DSCAM: variants seen among roughly 807,000 people sequenced by gnomAD.
DSCAM encodes DS cell adhesion molecule, also known as cell adhesion molecule DSCAM.
DSCAM carries 47 observed loss-of-function variants against 217.7 expected under a neutral mutation model. The ratio of observed to expected loss-of-function variants is 0.22; its 90% CI spans 0.17 to 0.28. The LOEUF (loss-of-function observed/expected upper bound fraction) is 0.28. DSCAM is among the 10% of genes least tolerant of loss of function. The probability of loss-of-function intolerance (pLI) is 1.00; values close to 1 mark genes in which losing one functional copy is unlikely to be tolerated. For missense variants in DSCAM, 2,080 were observed against 2,618.3 expected (o/e 0.79, Z 4.49); for synonymous variants, 1,056 against 1,015.3 (o/e 1.04, Z -0.76).
In DSCAM at chr21:40,055,970, C is replaced by T. The variant is rs116176049; in HGVS notation, c.4920-130G>A. ...ACCTTGTGAGGAGGGGAACAGAAAACGTACATACTATGAAAACGTTTCCTT... is the reference window on the plus strand; with the variant it reads ...ACCTTGTGAGGAGGGGAACAGAAAATGTACATACTATGAAAACGTTTCCTT... On this transcript the variant is annotated intron_variant, in intron 28 of 32. Coordinates refer to ENST00000400454, the MANE Select transcript of DSCAM (RefSeq NM_001389.5). 281 of 580,408 alleles carry T rather than the reference C, an allele frequency of 4.8e-4. 2 individuals carry two copies. Among genetic ancestry groups the T allele is most frequent in the African/African-American group, 1.1e-3 (61 of 55,050 alleles). 36.0% of individuals were successfully genotyped at this position (580,408 alleles called of 1,614,324 possible). A position where few individuals can be genotyped will look rare whatever the true frequency, so the allele number is the denominator to read the frequency against.
chr21:40,280,268 A>G (rs2073743001), intron 10 of DSCAM, among the ~76,000 whole-genome samples: 1 of 144,088 alleles, frequency 6.9e-6, no homozygotes, highest in Non-Finnish European at 1.5e-5. Context: ...TGTGGCCTCG[A>G]ACTCCCGGGT....
At chr21:40,204,121 T>C (rs574665036) in intron 11 of DSCAM, among the ~76,000 whole-genome samples, 16 of 152,356 alleles carry the variant, frequency 1.1e-4, no homozygotes, top group Non-Finnish European at 2.2e-4. Context: ...TCTGCTTACT[T>C]TCCAAGAATA....
Position 40,363,093 on chromosome 21 carries a change from T to C in DSCAM, c.655+6006A>G, listed in dbSNP as rs535526202. Among the ~76,000 whole-genome samples, 81 of 152,130 alleles carry C rather than the reference T, an allele frequency of 5.3e-4. No homozygotes were observed. In the Middle Eastern group the frequency reaches 0.014, roughly 26 times the overall value. On this transcript the variant is annotated intron_variant, in intron 4 of 32. Transcript: ENST00000400454. ...AATCAGCCACTCCTCCAAGAAGCCATGGTCCCTTTTAGTAGTGAATTATAT... is the reference window on the plus strand; with the variant it reads ...AATCAGCCACTCCTCCAAGAAGCCACGGTCCCTTTTAGTAGTGAATTATAT...
chr21:40,267,409 C>T (rs2073553781), intron 11 of DSCAM, among the ~76,000 whole-genome samples: 1 of 151,990 alleles, frequency 6.6e-6, no homozygotes, highest in South Asian at 2.1e-4. Context: ...ACTGGCAGGG[C>T]AGTAGGTTTG....
intron 20 of DSCAM, among the ~76,000 whole-genome samples, chr21:40,102,059 C>T (rs936823828): frequency 2.0e-5 from 3 of 151,004 alleles, no homozygotes; most frequent in Non-Finnish European, 4.4e-5. Context: ...TTCCTGCCCC[C>T]GGGGAGCAAG....
intron 15 of DSCAM, among the ~76,000 whole-genome samples, chr21:40,174,915 T>G (rs1174026843): frequency 6.6e-6 from 1 of 152,206 alleles, no homozygotes; most frequent in African/African-American, 2.4e-5. Context: ...AAGCTCCAGA[T>G]GCAGCCATTT....
intron 3 of DSCAM, among the ~76,000 whole-genome samples, chr21:40,414,393 C>T (rs1395448319): frequency 2.6e-5 from 4 of 152,156 alleles, no homozygotes; most frequent in Non-Finnish European, 5.9e-5. Flanking sequence ...TGTTTAATAT[C>T]ATTTTCAGGG....
At chr21:40,053,020 A>T (rs2088957288) in intron 29 of DSCAM, among the ~76,000 whole-genome samples, 1 of 152,218 alleles carries the variant, frequency 6.6e-6, no homozygotes, top group African/African-American at 2.4e-5. Flanking sequence ...GCAGCCCAGG[A>T]TGCTGTTGCT....
chr21:40,335,258 T>A (rs879549390), intron 8 of DSCAM, among the ~76,000 whole-genome samples: 13 of 152,266 alleles, frequency 8.5e-5, no homozygotes, highest in Admixed American at 3.9e-4. Flanking sequence ...TAAAATAATA[T>A]TTTCCTTCTT....
chr21:40,400,789 A>G (rs959778444), intron 3 of DSCAM, among the ~76,000 whole-genome samples: 8 of 152,254 alleles, frequency 5.3e-5, no homozygotes, highest in Admixed American at 2.0e-4. Context: ...TGATTGCCCT[A>G]TCTTGAGCTT....
intron 8 of DSCAM, among the ~76,000 whole-genome samples, chr21:40,319,768 C>T (rs957299745): frequency 1.3e-4 from 20 of 152,142 alleles, no homozygotes; most frequent in African/African-American, 4.8e-4. Flanking sequence ...CACAGCCATA[C>T]TAACAACTAA....
intron 11 of DSCAM, among the ~76,000 whole-genome samples, chr21:40,219,605 G>A (rs774328854): frequency 6.6e-6 from 1 of 152,052 alleles, no homozygotes; most frequent in African/African-American, 2.4e-5. Context: ...TGAAATTAAT[G>A]AGTCAAAAGA....
chr21:40,121,240 A>G (rs552601612), intron 20 of DSCAM, among the ~76,000 whole-genome samples: 1 of 152,302 alleles, frequency 6.6e-6, no homozygotes, highest in East Asian at 1.9e-4. Context: ...AAAACAAAAC[A>G]AAACAAAAAA....
intron 1 of DSCAM, among the ~76,000 whole-genome samples, chr21:40,825,046 C>G (rs767900564): frequency 1.3e-5 from 2 of 152,216 alleles, no homozygotes; most frequent in African/African-American, 2.4e-5. Context: ...GTCCTGGAGA[C>G]TTTGCCATGA....
At chr21:40,722,774 A>C (rs536006958) in intron 1 of DSCAM, among the ~76,000 whole-genome samples, 20 of 152,218 alleles carry the variant, frequency 1.3e-4, no homozygotes, top group African/African-American at 4.8e-4. Flanking sequence ...ACTATACGCT[A>C]TCCAGGAGAA....
intron 1 of DSCAM, among the ~76,000 whole-genome samples, chr21:40,741,531 A>G (rs928286099): frequency 1.5e-5 from 2 of 137,036 alleles, no homozygotes; most frequent in Non-Finnish European, 3.4e-5. Flanking sequence ...TAGAAATGCA[A>G]TATCTCAGCC....
At chr21:40,396,283 A>G (rs567767830) in intron 3 of DSCAM, among the ~76,000 whole-genome samples, 63 of 152,224 alleles carry the variant, frequency 4.1e-4, no homozygotes, top group Non-Finnish European at 6.9e-4. Context: ...CTGATTGTCA[A>G]CCATAACGGG....
chr21:40,199,941 T>TA (rs150641631), intron 11 of DSCAM, among the ~76,000 whole-genome samples: 10,147 of 149,336 alleles, frequency 0.068, 1,092 homozygotes, highest in African/African-American at 0.23. Flanking sequence ...AAAGTAAAAT[T>TA]AAAAAAACAA....
At position 40,465,889 on chromosome 21, in the gene DSCAM, A is replaced by T. The variant is rs1035775244; in HGVS notation, c.509-96644T>A. Among the ~76,000 whole-genome samples the T allele has an allele frequency of 1.1e-4, 16 of 152,290 alleles. 1 individual carries two copies. Among genetic ancestry groups the T allele is most frequent in the South Asian group, 6.2e-4 (3 of 4,824 alleles). On this transcript the variant is annotated intron_variant, in intron 3 of 32. Coordinates refer to ENST00000400454, the MANE Select transcript of DSCAM (RefSeq NM_001389.5). Reference sequence around the variant, plus strand: ...TTATAAACACGTTTGGTAAAAAAAAAAAAAATATTTTCAGCAAGGTTGTCA... The same window carrying T: ...TTATAAACACGTTTGGTAAAAAAAATAAAAATATTTTCAGCAAGGTTGTCA...
Sources: gnomAD v4.1 joint callset for allele counts (sites outside exome capture counted in the v4.1 genomes callset) on GRCh38, gnomAD v4.1.1 for gene constraint, MANE v1.5 for transcripts, NCBI Gene and HGNC (gene_info 2026-07-23, HGNC 2026-07-21) for gene names.